GUK1: variants seen among roughly 807,000 people sequenced by gnomAD.
GUK1 encodes guanylate kinase 1.
Under a neutral mutation model 25.2 loss-of-function variants are expected in GUK1, and 18 were observed. The ratio of observed to expected loss-of-function variants is 0.71; its 90% CI spans 0.49 to 1.06. The LOEUF (loss-of-function observed/expected upper bound fraction) is 1.06. Among genes scored for constraint, GUK1 ranks in the 50% least tolerant of loss-of-function variants. The pLI, the probability that GUK1 is intolerant of heterozygous loss-of-function variation, is 0.00. For synonymous variants in GUK1, 105 were observed against 117.6 expected, an observed-to-expected ratio of 0.89 and a Z score of 0.69; for missense variants, 261 against 276.7, an observed-to-expected ratio of 0.94 and a Z score of 0.40.
At chr1:228,140,401 T>C in intron 1 of GUK1, 38 bp downstream of exon 1, 1 of 1,430,494 alleles carries the variant, frequency 7.0e-7, no homozygotes, top group South Asian at 1.3e-5. Flanking sequence ...GTGACTCGGG[T>C]CGAGGCGGCA....
intron 7 of GUK1, chr1:228,148,153 C>A: frequency 1.5e-6 from 1 of 650,200 alleles, no homozygotes; most frequent in South Asian, 1.6e-5. Context: ...TGTCCAGACC[C>A]AAGTTCTGGG....
chr1:228,148,755 A>G lies in GUK1; in HGVS notation c.*58A>G, dbSNP rs2034549165. ...ATACAGGACCAGGGCAGCAGCATTG[A>G]GCCACCCCCTTGGCAGGCGATACGG... On this transcript the variant is annotated 3_prime_UTR_variant, in exon 9 of 9. Transcript: ENST00000312726. The G allele has an allele frequency of 6.2e-7, 1 of 1,611,290 alleles. No homozygotes were observed. The highest frequency in any genetic ancestry group is 8.5e-7 in the Non-Finnish European group (1 of 1,179,618).
In GUK1 at chr1:228,147,446, TGTGTGCTGGACGTGGACCTGCAGG is replaced by T. The variant is rs1340235627; in HGVS notation, c.299_322del (p.Leu100_Val107del). 2 of 1,612,734 alleles carry T rather than the reference TGTGTGCTGGACGTGGACCTGCAGG, an allele frequency of 1.2e-6. No individual in the cohort carries two copies. Among genetic ancestry groups the T allele is most frequent in the African/African-American group, 2.7e-5 (2 of 74,928 alleles). On this transcript the variant is annotated inframe_deletion, in exon 6 of 9. Coordinates refer to ENST00000312726, the MANE Select transcript of GUK1 (RefSeq NM_000858.7). ...GGCCGTGCAGGCCATGAACCGCATC[TGTGTGCTGGACGTGGACCTGCAGG>T]GTGTGCGGAACATCAAGGCCACCGA...
intron 8 of GUK1, 40 bp from the exon 8 acceptor site, chr1:228,148,625 G>C: frequency 6.4e-7 from 1 of 1,561,138 alleles, no homozygotes; most frequent in Non-Finnish European, 8.8e-7. Flanking sequence ...GCCCTTCCTG[G>C]ATACCAGCCC....
At position 228,140,362 on chromosome 1, in the gene GUK1, C is replaced by A. The variant is rs1487398586; in HGVS notation, c.-169C>A. ...CCGCCCTGGGCCGGGCCCCACCGGA[C>A]GGTGAGTACGACAAGCGCGATCGCG... On this transcript the variant is annotated splice_region_variant and 5_prime_UTR_variant, in exon 1 of 9. Transcript: ENST00000312726. The A allele has an allele frequency of 2.6e-6, 4 of 1,521,324 alleles. No homozygotes were observed. The highest frequency in any genetic ancestry group is 3.5e-6 in the Non-Finnish European group (4 of 1,142,798). 94.2% of individuals were successfully genotyped at this position (1,521,324 alleles called of 1,614,324 possible).
At chr1:228,141,655 G>A (rs1571881195) in intron 2 of GUK1, 2 of 1,219,788 alleles carry the variant, frequency 1.6e-6, no homozygotes, top group African/African-American at 1.6e-5. Flanking sequence ...CCAGAAGGAG[G>A]AGATTATGCC....
intron 2 of GUK1, chr1:228,141,611 G>T (rs776765196): frequency 3.6e-6 from 4 of 1,117,042 alleles, no homozygotes; most frequent in Admixed American, 4.7e-5. Context: ...GGGGCAAGGT[G>T]GTGACTCTGT....
chr1:228,147,570 T>C (rs1461345984), intron 6 of GUK1, 26 bp downstream of exon 5: 2 of 1,612,954 alleles, frequency 1.2e-6, no homozygotes, highest in Admixed American at 1.7e-5. Context: ...GGTTGGGGGC[T>C]GGGGGCCAGG....
Position 228,147,477 on chromosome 1 carries a change from G to T in GUK1, c.323G>T (p.Arg108Leu). 6.2e-7 allele frequency: 1 copy of T among 1,613,178 alleles called. No individual in the cohort carries two copies. Among genetic ancestry groups the T allele is most frequent in the Non-Finnish European group, 8.5e-7 (1 of 1,179,896 alleles). The change falls in exon 6 of 9, where the codon CGG (arginine) becomes CTG (leucine). Residue 108 changes from arginine to leucine, a missense_variant. Arg to Leu is a moderately radical substitution (Grantham distance 102). Coordinates refer to ENST00000312726, the MANE Select transcript of GUK1 (RefSeq NM_000858.7). ...CTGGACGTGGACCTGCAGGGTGTGC[G>T]GAACATCAAGGCCACCGATCTGCGG...
intron 8 of GUK1, 39 bp downstream of exon 7, chr1:228,148,495 G>T: frequency 6.7e-7 from 1 of 1,492,524 alleles, no homozygotes; most frequent in South Asian, 1.3e-5. Context: ...AAGGCCCAAG[G>T]GGAGGCCTGG....
chr1:228,141,818 C>T (rs757609892), intron 2 of GUK1: 12 of 1,199,618 alleles, frequency 1.0e-5, no homozygotes, highest in Non-Finnish European at 1.3e-5. Context: ...GTGGAGACCA[C>T]GTGCCTGGCA....
chr1:228,143,331 G>A (rs898863470), intron 2 of GUK1, among the ~76,000 whole-genome samples: 4 of 152,316 alleles, frequency 2.6e-5, no homozygotes, highest in African/African-American at 9.6e-5. Flanking sequence ...AGCTCACATG[G>A]GGTCCAGCCC....
intron 7 of GUK1, chr1:228,148,084 G>T (rs2034497864): frequency 1.7e-6 from 1 of 582,458 alleles, no homozygotes; most frequent in East Asian, 2.8e-5. Flanking sequence ...GGCATTTAAT[G>T]TTCTGCTGTG....
chr1:228,140,266 G>C (rs964314436), upstream of GUK1: 1 of 1,520,300 alleles, frequency 6.6e-7, no homozygotes, highest in Non-Finnish European at 8.8e-7. Context: ...GTGCGGCGCT[G>C]TCACGTAGGT....
In GUK1 at chr1:228,141,892, G is replaced by T. The variant is rs1001864145; in HGVS notation, c.-3+604G>T. Reference sequence around the variant, plus strand: ...CAGCTGATTGGAGTTTGCGACTGTGGGTTGGTGAGAGTGGAGAGCACAGAA... The same window carrying T: ...CAGCTGATTGGAGTTTGCGACTGTGTGTTGGTGAGAGTGGAGAGCACAGAA... On this transcript the variant is annotated intron_variant, in intron 2 of 8. Coordinates refer to ENST00000312726, the MANE Select transcript of GUK1 (RefSeq NM_000858.7). 8.0e-6 allele frequency: 6 copies of T among 748,006 alleles called. No individual in the cohort carries two copies. In the African/African-American group the frequency reaches 9.6e-5, roughly 12 times the overall value. The allele number at this position is 748,006 out of a possible 1,614,324, so 46.3% of individuals were successfully genotyped here. A position where few individuals can be genotyped will look rare whatever the true frequency, so the allele number is the denominator to read the frequency against.
chr1:228,146,132 G>T, intron 4 of GUK1, 65 bp downstream of exon 3: 1 of 1,037,732 alleles, frequency 9.6e-7, no homozygotes, highest in Non-Finnish European at 1.5e-6. Flanking sequence ...GGGCCCTGCA[G>T]CTGTGTTGGC....
At chr1:228,145,032 C>G (rs1211201453) in intron 2 of GUK1, 1 of 153,814 alleles carries the variant, frequency 6.5e-6, no homozygotes, top group African/African-American at 2.4e-5. Context: ...CATTCCAGAC[C>G]TAGCAGCCCA....
intron 4 of GUK1, 172 bp downstream of exon 3, chr1:228,146,239 G>T (rs1440135047): frequency 1.7e-6 from 1 of 599,560 alleles, no homozygotes; most frequent in Admixed American, 3.0e-5. Flanking sequence ...CAGCGCCACA[G>T]CGTGGTGTCG....
At chr1:228,143,695 G>A (rs748530080) in intron 2 of GUK1, among the ~76,000 whole-genome samples, 15 of 152,222 alleles carry the variant, frequency 9.9e-5, no homozygotes, top group South Asian at 2.1e-4. Flanking sequence ...ACTGCAGTGC[G>A]TGCTGATGGT....
Sources: allele counts gnomAD v4.1 joint callset (sites outside exome capture counted in the v4.1 genomes callset), GRCh38; gene constraint gnomAD v4.1.1; transcripts MANE v1.5; gene names NCBI Gene and HGNC (gene_info 2026-07-23, HGNC 2026-07-21).